ARHGAP35: variants seen among roughly 807,000 people sequenced by gnomAD.
ARHGAP35 encodes rho GTPase-activating protein 35.
In ARHGAP35, 15 loss-of-function variants were observed where a neutral mutation model predicts 111.1. That is an observed-to-expected ratio of 0.13 (90% CI 0.09 to 0.21). The LOEUF is 0.21. Ranked by LOEUF, ARHGAP35 falls within the 10% of genes least tolerant of loss-of-function variation. The probability of loss-of-function intolerance (pLI) is 1.00; values close to 1 mark genes in which losing one functional copy is unlikely to be tolerated. For synonymous variants in ARHGAP35, 643 were observed against 710.3 expected (o/e 0.91, Z 1.51); for missense variants, 1,262 against 1,873.0 (o/e 0.67, Z 6.02).
intron 1 of ARHGAP35, among the ~76,000 whole-genome samples, chr19:46,868,893 ATTTT>A (rs59080309): frequency 3.4e-5 from 2 of 58,702 alleles, no homozygotes; most frequent in East Asian, 5.5e-4. Flanking sequence ...GCTCACCGTG[ATTTT>A]TTTTTTTTTT....
At chr19:46,883,723 A>C (rs569782954) in intron 1 of ARHGAP35, among the ~76,000 whole-genome samples, 1 of 152,168 alleles carries the variant, frequency 6.6e-6, no homozygotes, top group Non-Finnish European at 1.5e-5. Flanking sequence ...AAACACATGC[A>C]CACATAGTAT....
chr19:46,863,066 T>TC lies in ARHGAP35; in HGVS notation c.-189+1859dup, dbSNP rs1446855187. ...TCCTTCCTCACCTTTTTTTTTTTTT[T>TC]CCTTCCCCTTGTATCCTGCCAGGCT... On this transcript the variant is annotated intron_variant, in intron 1 of 6. Transcript: ENST00000672722. 1.9e-3 allele frequency among the ~76,000 whole-genome samples: 284 copies of TC among 151,704 alleles called. 1 individual carries two copies. Among genetic ancestry groups the TC allele is most frequent in the African/African-American group, 6.4e-3 (266 of 41,244 alleles).
intron 3 of ARHGAP35, among the ~76,000 whole-genome samples, chr19:46,970,216 G>T (rs2056537879): frequency 6.6e-6 from 1 of 152,114 alleles, no homozygotes; most frequent in South Asian, 2.1e-4. Context: ...TCCTTACCCA[G>T]CCCTAAGCTA....
chr19:46,906,057 C>T (rs1008117386), intron 1 of ARHGAP35, among the ~76,000 whole-genome samples: 1 of 152,004 alleles, frequency 6.6e-6, no homozygotes, highest in African/African-American at 2.4e-5. Flanking sequence ...TGGCTCACAC[C>T]TGTGACTCCA....
In ARHGAP35 at chr19:47,001,494, G is replaced by A; in HGVS notation, c.*806G>A. On this transcript the variant is annotated 3_prime_UTR_variant, in exon 7 of 7. Coordinates refer to ENST00000672722, the MANE Select transcript of ARHGAP35 (RefSeq NM_004491.5). The surrounding 1 kb of genome is among the most constrained non-coding windows in gnomAD (Gnocchi z 5.4). ...TGCCGGGAGGGAGGGAGGCACACAG[G>A]TGGAGCTGACCCTCGTCTTTGTGGC... 9.9e-7 allele frequency: 1 copy of A among 1,011,430 alleles called. No homozygotes were observed. The highest frequency in any genetic ancestry group is 1.4e-5 in the South Asian group (1 of 71,150). The allele number at this position is 1,011,430 out of a possible 1,614,324, so 62.7% of individuals were successfully genotyped here. A position where few individuals can be genotyped will look rare whatever the true frequency, so the allele number is the denominator to read the frequency against.
In ARHGAP35 at chr19:47,001,191, TG is replaced by T; in HGVS notation, c.*506del. 8.0e-7 allele frequency: 1 copy of T among 1,252,698 alleles called. No homozygotes were observed. The highest frequency in any genetic ancestry group is 1.6e-5 in the African/African-American group (1 of 64,490). The allele number at this position is 1,252,698 out of a possible 1,614,324, so 77.6% of individuals were successfully genotyped here. On this transcript the variant is annotated 3_prime_UTR_variant, in exon 7 of 7. Coordinates refer to ENST00000672722, the MANE Select transcript of ARHGAP35 (RefSeq NM_004491.5). This position sits in a 1 kb window ranked among gnomAD's most constrained non-coding sequence, Gnocchi z 5.4. ...GGTACAGCCCGGCTGGCGGCCTCCT[TG>T]GGAACGTGTAGGCCACGGCTCTGCC... is the stretch of plus-strand genomic sequence containing the variant.
rs1475060835 is a variant in ARHGAP35 at position 46,908,889 on chromosome 19, A to C, written c.-188-9599A>C. 6.6e-6 allele frequency among the ~76,000 whole-genome samples: 1 copy of C among 152,234 alleles called. No homozygotes were observed. The highest frequency in any genetic ancestry group is 1.5e-5 in the Non-Finnish European group (1 of 68,034). On this transcript the variant is annotated intron_variant, in intron 1 of 6. Coordinates refer to ENST00000672722, the MANE Select transcript of ARHGAP35 (RefSeq NM_004491.5). This position sits in a 1 kb window ranked among gnomAD's most constrained non-coding sequence, Gnocchi z 4.2. ...TATTCCCACCCTGGAATTCAGAAGA[A>C]CCTTTAAGCAGGGATTGCATGGAGG...
rs1178438380 is a variant in ARHGAP35 at position 46,918,467 on chromosome 19, CT to C, written c.-188-12del. ...TAAAATTATGATGCTGATGGGTTTTCTTTTTTTTTCCCCCATCTAGGAAGAA... is the reference window on the plus strand; with the variant it reads ...TAAAATTATGATGCTGATGGGTTTTCTTTTTTTTCCCCCATCTAGGAAGAA... On this transcript the variant is annotated intron_variant, in intron 1 of 6. Coordinates refer to ENST00000672722, the MANE Select transcript of ARHGAP35 (RefSeq NM_004491.5). The surrounding 1 kb of genome is among the most constrained non-coding windows in gnomAD (Gnocchi z 5.4). Among the ~76,000 whole-genome samples the C allele has an allele frequency of 4.0e-5, 6 of 151,412 alleles. No homozygotes were observed. Among genetic ancestry groups the C allele is most frequent in the African/African-American group, 7.3e-5 (3 of 41,178 alleles).
chr19:46,888,269 T>C (rs1409225837), intron 1 of ARHGAP35, among the ~76,000 whole-genome samples: 1 of 9,666 alleles, frequency 1.0e-4, no homozygotes, highest in African/African-American at 4.7e-4. Flanking sequence ...ATAATATATA[T>C]ATATATATAT....
At chr19:46,904,931 G>A (rs1313423870) in intron 1 of ARHGAP35, among the ~76,000 whole-genome samples, 1 of 152,178 alleles carries the variant, frequency 6.6e-6, no homozygotes, top group Admixed American at 6.5e-5. Context: ...TCCAGCCAGG[G>A]CAGTGCGGGG....
intron 2 of ARHGAP35, among the ~76,000 whole-genome samples, chr19:46,923,622 G>C (rs1191084745): frequency 6.6e-6 from 1 of 151,128 alleles, no homozygotes; most frequent in African/African-American, 2.4e-5. Context: ...TAGAAATACT[G>C]AAATACTCTT....
chr19:46,998,245 C>T lies in ARHGAP35; in HGVS notation c.4037-1059C>T, dbSNP rs560578724. Among the ~76,000 whole-genome samples the T allele has an allele frequency of 1.3e-3, 202 of 152,274 alleles. No homozygotes were observed. The Middle Eastern group carries it at 0.02, about 15-fold the overall frequency. On this transcript the variant is annotated intron_variant, in intron 5 of 6. Transcript: ENST00000672722. ...TCTATCCCAAAGGAGCCCGAGCCCC[C>T]GGGCCCATTAGCAATCATCTGCGCT...
At chr19:46,884,904 CAT>C (rs1690784703) in intron 1 of ARHGAP35, among the ~76,000 whole-genome samples, 2 of 152,058 alleles carry the variant, frequency 1.3e-5, no homozygotes, top group Middle Eastern at 3.2e-3. Flanking sequence ...TTTTAGTAGA[CAT>C]GAGATCTTGC....
chr19:46,875,902 T>C (rs944832953), intron 1 of ARHGAP35, among the ~76,000 whole-genome samples: 8 of 152,152 alleles, frequency 5.3e-5, no homozygotes, highest in Admixed American at 2.6e-4. Context: ...TATCAGAAAG[T>C]GTCTCATACA....
rs190172538 is a variant in ARHGAP35, at chr19:46,888,891, A to G, written c.-189+27682A>G. On this transcript the variant is annotated intron_variant, in intron 1 of 6. Transcript: ENST00000672722. ...AGGGGTGGTGGCACGTGCCTGTAGT[A>G]CCAGCTACTCAGGAGGCTGAGGCAG... is the stretch of plus-strand genomic sequence containing the variant. Among the ~76,000 whole-genome samples, 4 of 151,086 alleles carry G rather than the reference A, an allele frequency of 2.6e-5. No individual in the cohort carries two copies. The East Asian group carries it at 5.9e-4, about 22-fold the overall frequency.
intron 1 of ARHGAP35, among the ~76,000 whole-genome samples, chr19:46,892,927 C>G (rs754091145): frequency 1.6e-4 from 25 of 152,088 alleles, no homozygotes; most frequent in Non-Finnish European, 2.8e-4. Context: ...TCCAGTTCTC[C>G]ATGCATCAGA....
chr19:46,888,523 T>G (rs907301619), intron 1 of ARHGAP35, among the ~76,000 whole-genome samples: 11 of 149,996 alleles, frequency 7.3e-5, no homozygotes, highest in Non-Finnish European at 1.3e-4. Context: ...CTCAGCACCA[T>G]AAAGGTGAGA....
chr19:46,955,784 TG>T (rs1182821038), intron 3 of ARHGAP35, among the ~76,000 whole-genome samples: 1 of 152,138 alleles, frequency 6.6e-6, no homozygotes, highest in African/African-American at 2.4e-5. Flanking sequence ...AAGAAAAAAA[TG>T]ATTTCCTTTT....
At chr19:46,886,011 A>T (rs568655949) in intron 1 of ARHGAP35, among the ~76,000 whole-genome samples, 1 of 152,246 alleles carries the variant, frequency 6.6e-6, no homozygotes, top group East Asian at 1.9e-4. Flanking sequence ...CCTGTCACCC[A>T]TTTCATTTCT....
Sources: allele counts gnomAD v4.1 joint callset (sites outside exome capture counted in the v4.1 genomes callset), GRCh38; gene constraint gnomAD v4.1.1; non-coding constraint Gnocchi (gnomAD v3.1); transcripts MANE v1.5; gene names NCBI Gene and HGNC (gene_info 2026-07-23, HGNC 2026-07-21).